BRAF: variants seen among roughly 807,000 people sequenced by gnomAD.
BRAF encodes serine/threonine-protein kinase B-raf.
Under a neutral mutation model 104.6 loss-of-function variants are expected in BRAF, and 16 were observed. That is an observed-to-expected ratio of 0.15 (90% confidence interval 0.10 to 0.23). BRAF has a LOEUF of 0.23. Among genes scored for constraint, BRAF ranks in the 10% least tolerant of loss-of-function variants. The pLI, the probability that BRAF is intolerant of heterozygous loss-of-function variation, is 1.00. For missense variants in BRAF, 541 were observed against 937.3 expected (o/e 0.58, Z 5.52); for synonymous variants, 310 against 341.6 (o/e 0.91, Z 1.02).
At chr7:140,867,853 T>C (rs977377598) in intron 1 of BRAF, among the ~76,000 whole-genome samples, 1 of 152,226 alleles carries the variant, frequency 6.6e-6, no homozygotes, top group Non-Finnish European at 1.5e-5. Context: ...CCCGTAACTC[T>C]GCAATCCCCT....
At chr7:140,735,748 G>A (rs1796357988) in intron 18 of BRAF, among the ~76,000 whole-genome samples, 1 of 151,976 alleles carries the variant, frequency 6.6e-6, no homozygotes, top group African/African-American at 2.4e-5. Context: ...AGCAGAGACA[G>A]GGTTTCACCA....
At chr7:140,714,194 G>A in the BRAF span, among the ~76,000 whole-genome samples, 1 of 152,152 alleles carries the variant, frequency 6.6e-6, no homozygotes. Context: ...CTGCAGACGG[G>A]AGCTGTTCCT....
intron 3 of BRAF, among the ~76,000 whole-genome samples, chr7:140,809,244 T>C (rs1415909784): frequency 1.3e-5 from 2 of 152,056 alleles, no homozygotes; most frequent in Non-Finnish European, 2.9e-5. Flanking sequence ...TTTAAACATA[T>C]AAAAAGAAGA....
chr7:140,727,436 G>A (rs1162838230), intron 19 of BRAF, among the ~76,000 whole-genome samples: 2 of 151,830 alleles, frequency 1.3e-5, no homozygotes, highest in African/African-American at 2.4e-5. Context: ...TGCCTGCCTC[G>A]GCCTCCCAAA....
intron 14 of BRAF, among the ~76,000 whole-genome samples, chr7:140,764,314 A>C (rs1201604877): frequency 6.6e-6 from 1 of 151,362 alleles, no homozygotes; most frequent in Non-Finnish European, 1.5e-5. Flanking sequence ...ATTAAGAGCT[A>C]TCTATGACAA....
intron 8 of BRAF, among the ~76,000 whole-genome samples, chr7:140,792,330 C>T (rs1040555468): frequency 7.9e-5 from 12 of 152,182 alleles, no homozygotes; most frequent in Non-Finnish European, 1.6e-4. Context: ...ATGACTTCCT[C>T]TCCCAATCAA....
intron 19 of BRAF, chr7:140,726,601 G>T: frequency 1.7e-6 from 2 of 1,158,054 alleles, no homozygotes; most frequent in Non-Finnish European, 2.5e-6. Flanking sequence ...GAGCTTCACT[G>T]AAAAGTAACT....
At chr7:140,771,332 A>G (rs1799825834) in intron 14 of BRAF, among the ~76,000 whole-genome samples, 1 of 152,086 alleles carries the variant, frequency 6.6e-6, no homozygotes, top group Non-Finnish European at 1.5e-5. Flanking sequence ...AGTAGGTGAG[A>G]ACACAGGTGC....
chr7:140,719,316 AAT>A (rs560427999), downstream of BRAF: 1,921 of 935,644 alleles, frequency 2.1e-3, 5 homozygotes, highest in Non-Finnish European at 2.4e-3. Flanking sequence ...GTGTTAGAAA[AAT>A]AGTCTTGATG....
downstream of BRAF, among the ~76,000 whole-genome samples, chr7:140,718,008 G>C (rs1156672793): frequency 6.6e-6 from 1 of 152,156 alleles, no homozygotes; most frequent in Non-Finnish European, 1.5e-5. Flanking sequence ...TATTGTTTGG[G>C]AGGAGGGGTG....
Position 140,770,815 on chromosome 7 carries a change from C to A in BRAF, c.1814+6097G>T, listed in dbSNP as rs187528547. ...AGGTGTGGTGGTGGGTGCCTGTAAT[C>A]CCAGTTACTCAGGAGGCTGAGGCAG... On this transcript the variant is annotated intron_variant, in intron 14 of 19. Transcript: ENST00000644969. Among the ~76,000 whole-genome samples, 1,372 of 151,876 alleles carry A rather than the reference C, an allele frequency of 9.0e-3. 26 individuals are homozygous for A. Among genetic ancestry groups the A allele is most frequent in the African/African-American group, 0.032 (1,308 of 41,408 alleles).
downstream of BRAF, among the ~76,000 whole-genome samples, chr7:140,715,869 T>C (rs1265127056): frequency 1.3e-5 from 2 of 152,252 alleles, no homozygotes; most frequent in African/African-American, 4.8e-5. Flanking sequence ...CACATTATTA[T>C]TTCCACTTTA....
chr7:140,824,433 C>G (rs1407199786), intron 3 of BRAF: 2 of 152,104 alleles, frequency 1.3e-5, no homozygotes, highest in Non-Finnish European at 2.9e-5. Flanking sequence ...TCCTGGTACC[C>G]TTGTCAAAGA....
At chr7:140,792,956 TGGAA>T (rs1334424390) in intron 8 of BRAF, among the ~76,000 whole-genome samples, 1 of 152,156 alleles carries the variant, frequency 6.6e-6, no homozygotes, top group Non-Finnish European at 1.5e-5. Flanking sequence ...GCAGAAGGAA[TGGAA>T]ATAGATAGAG....
intron 1 of BRAF, among the ~76,000 whole-genome samples, chr7:140,912,256 C>T (rs965313317): frequency 6.6e-6 from 1 of 152,188 alleles, no homozygotes; most frequent in Non-Finnish European, 1.5e-5. Flanking sequence ...AATCCTCATT[C>T]TCGGCTGATA....
At chr7:140,767,704 A>T (rs1799462068) in intron 14 of BRAF, among the ~76,000 whole-genome samples, 1 of 152,206 alleles carries the variant, frequency 6.6e-6, no homozygotes, top group Non-Finnish European at 1.5e-5. Flanking sequence ...GGGACTGAAT[A>T]AGTTGGGGAA....
At chr7:140,901,619 C>T (rs1815644227) in intron 1 of BRAF, among the ~76,000 whole-genome samples, 1 of 152,174 alleles carries the variant, frequency 6.6e-6, no homozygotes, top group Non-Finnish European at 1.5e-5. Flanking sequence ...ACTCAGTCTT[C>T]CAATCCACAC....
Position 140,724,888 on chromosome 7 carries a change from G to A in BRAF, c.*1606C>T, listed in dbSNP as rs931313272. 1.1e-5 allele frequency: 11 copies of A among 1,038,720 alleles called. No homozygotes were observed. Among genetic ancestry groups the A allele is most frequent in the Admixed American group, 5.6e-5 (1 of 17,752 alleles). The allele number at this position is 1,038,720 out of a possible 1,614,324, so 64.3% of individuals were successfully genotyped here. Reference sequence around the variant, plus strand: ...TACATCCGCTTTCTTTGCTATGACTGTGATTGATATTACCCTTTAATAAAG... The same window carrying A: ...TACATCCGCTTTCTTTGCTATGACTATGATTGATATTACCCTTTAATAAAG... On this transcript the variant is annotated 3_prime_UTR_variant, in exon 20 of 20. Transcript: ENST00000644969.
intron 18 of BRAF, among the ~76,000 whole-genome samples, chr7:140,736,486 GGTGCGAT>G (rs568828924): frequency 2.1e-3 from 314 of 150,556 alleles, no homozygotes; most frequent in African/African-American, 6.9e-3. Context: ...GGAGTGCAAT[GGTGCGAT>G]CTCGGCTCAC....
Sources: gnomAD v4.1 joint callset for allele counts (sites outside exome capture counted in the v4.1 genomes callset) on GRCh38, gnomAD v4.1.1 for gene constraint, MANE v1.5 for transcripts, NCBI Gene and HGNC (gene_info 2026-07-23, HGNC 2026-07-21) for gene names.